EMSY: variants seen among roughly 807,000 people sequenced by gnomAD.
The protein encoded by EMSY is EMSY transcriptional repressor, BRCA2 interacting, also known as BRCA2-interacting transcriptional repressor EMSY.
A neutral mutation model predicts 134.6 loss-of-function variants in EMSY; 26 were observed. The ratio of observed to expected loss-of-function variants is 0.19; its 90% confidence interval spans 0.14 to 0.27. The LOEUF is 0.27. EMSY is among the 10% of genes least tolerant of loss of function. The pLI, the probability that EMSY is intolerant of heterozygous loss-of-function variation, is 1.00. For synonymous variants in EMSY, 579 were observed against 577.8 expected (o/e 1.00, Z -0.03); for missense variants, 1,305 against 1,611.4 (o/e 0.81, Z 3.26).
intron 16 of EMSY, among the ~76,000 whole-genome samples, chr11:76,538,809 T>C (rs1201420977): frequency 6.6e-6 from 1 of 151,940 alleles, no homozygotes; most frequent in Non-Finnish European, 1.5e-5. Flanking sequence ...ACTACAAAAA[T>C]TAGCCAGGTG....
intron 4 of EMSY, among the ~76,000 whole-genome samples, chr11:76,456,081 T>A (rs1441640949): frequency 6.6e-6 from 1 of 152,184 alleles, no homozygotes; most frequent in African/African-American, 2.4e-5. Context: ...TCATACTTAG[T>A]ATAAATAGAG....
intron 7 of EMSY, among the ~76,000 whole-genome samples, chr11:76,464,838 C>T (rs972031675): frequency 6.6e-6 from 1 of 152,122 alleles, no homozygotes; most frequent in Non-Finnish European, 1.5e-5. Context: ...TCTACCTTCC[C>T]ACTTTTTTTA....
intron 9 of EMSY, among the ~76,000 whole-genome samples, chr11:76,506,015 TA>T (rs1205866168): frequency 6.6e-6 from 1 of 152,038 alleles, no homozygotes; most frequent in Non-Finnish European, 1.5e-5. Context: ...AAAATTTTTT[TA>T]ATTAGCCAGG....
At chr11:76,469,904 T>G (rs1371694286) in intron 7 of EMSY, among the ~76,000 whole-genome samples, 17 of 152,224 alleles carry the variant, frequency 1.1e-4, no homozygotes, top group Admixed American at 1.1e-3. Context: ...GCTGATCAAG[T>G]CTATCTATAA....
intron 9 of EMSY, 122 bp from the exon 11 acceptor site, chr11:76,513,264 A>T: frequency 1.3e-6 from 1 of 781,426 alleles, no homozygotes; most frequent in Non-Finnish European, 1.8e-6. Context: ...CATCAGTATT[A>T]AAAAAAACTT....
At chr11:76,532,058 A>G (rs752347192) in intron 14 of EMSY, among the ~76,000 whole-genome samples, 3 of 152,114 alleles carry the variant, frequency 2.0e-5, no homozygotes, top group Non-Finnish European at 4.4e-5. Context: ...TAGGCTTCCA[A>G]TATTGCTTTG....
rs1950867976 is a variant in EMSY, at chr11:76,527,019, T to C, written c.1995+384T>C. 2.0e-5 allele frequency among the ~76,000 whole-genome samples: 3 copies of C among 152,194 alleles called. No homozygotes were observed. The South Asian group carries it at 6.2e-4, about 31-fold the overall frequency. On this transcript the variant is annotated intron_variant, in intron 13 of 20. Transcript: ENST00000334736. The stretch of plus-strand genomic sequence containing the variant: ...CCTTCAAAAGCATTTTATTTACTTA[T>C]AAAATTAGCTTTGCTTGAACCCTTG...
At chr11:76,512,800 C>T (rs1263686365) in intron 9 of EMSY, among the ~76,000 whole-genome samples, 1 of 150,550 alleles carries the variant, frequency 6.6e-6, no homozygotes, top group African/African-American at 2.4e-5. Context: ...TTCTTGTCCA[C>T]ACACATTTTT....
chr11:76,551,361 TATAA>T (rs1237414678), exon 21 of EMSY: 2 of 152,772 alleles, frequency 1.3e-5, no homozygotes, highest in African/African-American at 2.4e-5. Flanking sequence ...TAGATTTCAC[TATAA>T]ATAAGCATTT....
chr11:76,456,071 T>G (rs1947860419), intron 4 of EMSY, among the ~76,000 whole-genome samples: 1 of 152,150 alleles, frequency 6.6e-6, no homozygotes, highest in African/African-American at 2.4e-5. Context: ...GTTTCCCCTG[T>G]CATACTTAGT....
chr11:76,546,666 T>C (rs1193345522), intron 20 of EMSY, among the ~76,000 whole-genome samples: 1 of 152,170 alleles, frequency 6.6e-6, no homozygotes, highest in African/African-American at 2.4e-5. Flanking sequence ...CAATTTTTGC[T>C]CAAAAAATTC....
chr11:76,550,311 C>A, exon 21 of EMSY: 4 of 442,610 alleles, frequency 9.0e-6, no homozygotes, highest in Non-Finnish European at 1.5e-5. Flanking sequence ...CTTTTTAAAA[C>A]AAGATAAAAC....
intron 16 of EMSY, among the ~76,000 whole-genome samples, chr11:76,538,819 G>A (rs934250080): frequency 2.0e-5 from 3 of 152,034 alleles, no homozygotes; most frequent in African/African-American, 7.2e-5. Context: ...TTAGCCAGGT[G>A]TGGTGGCACT....
At chr11:76,513,803 C>T in intron 10 of EMSY, among the ~76,000 whole-genome samples, 1 of 151,966 alleles carries the variant, frequency 6.6e-6, no homozygotes, top group East Asian at 1.9e-4. Flanking sequence ...TGATATTGTT[C>T]CTTTTATTGG....
At chr11:76,526,357 G>A (rs902177792) in intron 12 of EMSY, 105 bp from the exon 14 acceptor site, 25 of 733,186 alleles carry the variant, frequency 3.4e-5, no homozygotes, top group Admixed American at 1.1e-4. Flanking sequence ...ATAATCTACA[G>A]CCCTTTTTTC....
chr11:76,535,783 A>C, intron 14 of EMSY, 112 bp from the exon 16 acceptor site: 2 of 835,972 alleles, frequency 2.4e-6, no homozygotes, highest in South Asian at 3.8e-5. Context: ...TAAAGCATGA[A>C]GTTTACAATA....
At chr11:76,459,885 G>T (rs758047495) in intron 5 of EMSY, 48 bp from the exon 7 acceptor site, 6 of 1,600,494 alleles carry the variant, frequency 3.7e-6, no homozygotes, top group South Asian at 1.1e-5. Context: ...TGTATGCCTG[G>T]ACAGTTTTGG....
intron 11 of EMSY, among the ~76,000 whole-genome samples, chr11:76,520,449 A>G (rs990262704): frequency 6.6e-6 from 1 of 152,212 alleles, no homozygotes; most frequent in Non-Finnish European, 1.5e-5. Flanking sequence ...GTATGAAACC[A>G]TGTCAAAAAA....
chr11:76,454,171 A>G lies in EMSY; in HGVS notation c.245+783A>G, dbSNP rs114643731. On this transcript the variant is annotated intron_variant, in intron 4 of 20. Transcript: ENST00000334736. The stretch of plus-strand genomic sequence containing the variant: ...TAATGTTAAATAAAACTAAAGGGAA[A>G]AATTCAGTGCATTTCCATAATGTGA... 4.7e-3 allele frequency among the ~76,000 whole-genome samples: 710 copies of G among 152,336 alleles called. 8 individuals are homozygous for G. The highest frequency in any genetic ancestry group is 0.016 in the African/African-American group (663 of 41,578).
Sources: allele counts gnomAD v4.1 joint callset (sites outside exome capture counted in the v4.1 genomes callset), GRCh38; gene constraint gnomAD v4.1.1; transcripts MANE v1.5; gene names NCBI Gene and HGNC (gene_info 2026-07-23, HGNC 2026-07-21).